Variants in GALNT18 observed in about 807,000 individuals in gnomAD.
GALNT18 encodes the protein polypeptide N-acetylgalactosaminyltransferase 18, also known as GalNAc-transferase 18.
A neutral mutation model predicts 69.5 loss-of-function variants in GALNT18; 44 were observed. The observed-to-expected ratio is 0.63, with a 90% confidence interval of 0.50 to 0.81. The LOEUF (loss-of-function observed/expected upper bound fraction) is 0.81, where lower values mean the gene tolerates loss of function less well. Ranked by LOEUF, GALNT18 falls within the 40% of genes least tolerant of loss-of-function variation. The pLI is 0.00. For missense variants in GALNT18, 715 were observed against 810.0 expected (o/e 0.88, Z 1.42); for synonymous variants, 364 against 318.2 (o/e 1.14, Z -1.53).
rs1294546218 is a variant in GALNT18 at position 11,402,811 on chromosome 11, C to T, written c.596-23547G>A. Among the ~76,000 whole-genome samples the T allele has an allele frequency of 3.3e-5, 5 of 152,236 alleles. No individual in the cohort carries two copies. The highest frequency in any genetic ancestry group is 7.3e-5 in the Non-Finnish European group (5 of 68,042). On this transcript the variant is annotated intron_variant, in intron 3 of 10. Transcript: ENST00000227756. This position sits in a 1 kb window ranked among gnomAD's most constrained non-coding sequence, Gnocchi z 4.0. Reference sequence around the variant, plus strand: ...TAGGAAGATATAAAAATACAAATGGCTTCTTGTAGTGCTGTTGGCATCTGA... The same window carrying T: ...TAGGAAGATATAAAAATACAAATGGTTTCTTGTAGTGCTGTTGGCATCTGA...
intron 5 of GALNT18, among the ~76,000 whole-genome samples, chr11:11,376,317 G>A (rs1853755507): frequency 6.6e-6 from 1 of 152,148 alleles, no homozygotes; most frequent in African/African-American, 2.4e-5. Flanking sequence ...AGGGGCCAGA[G>A]GTTTCATTGA....
In GALNT18 at chr11:11,389,309, C is replaced by A. The variant is rs895360896; in HGVS notation, c.596-10045G>T. 6.6e-6 allele frequency among the ~76,000 whole-genome samples: 1 copy of A among 152,196 alleles called. No individual in the cohort carries two copies. Among genetic ancestry groups the A allele is most frequent in the Non-Finnish European group, 1.5e-5 (1 of 68,040 alleles). ...TCAACAGAAGCTCTTCCCCTGGGACCATAACTCCGTGTCCTCTATTTGTCC... is the reference window on the plus strand; with the variant it reads ...TCAACAGAAGCTCTTCCCCTGGGACAATAACTCCGTGTCCTCTATTTGTCC... On this transcript the variant is annotated intron_variant, in intron 3 of 10. Transcript: ENST00000227756. This position sits in a 1 kb window ranked among gnomAD's most constrained non-coding sequence, Gnocchi z 4.3.
intron 9 of GALNT18, among the ~76,000 whole-genome samples, chr11:11,326,364 T>C (rs1451417761): frequency 2.6e-5 from 4 of 152,198 alleles, no homozygotes; most frequent in Non-Finnish European, 5.9e-5. Context: ...TTTTAAATCA[T>C]TGTGTACTTC....
intron 1 of GALNT18, among the ~76,000 whole-genome samples, chr11:11,568,897 T>A (rs971249828): frequency 6.6e-6 from 1 of 152,228 alleles, no homozygotes; most frequent in African/African-American, 2.4e-5. Context: ...TTCTGCCAGA[T>A]GGGCTCTGTT....
At chr11:11,570,573 C>T (rs1432983067) in intron 1 of GALNT18, among the ~76,000 whole-genome samples, 2 of 152,244 alleles carry the variant, frequency 1.3e-5, no homozygotes, top group East Asian at 3.9e-4. Flanking sequence ...ACCAAACCAG[C>T]TCTTCTTCCT....
intron 1 of GALNT18, among the ~76,000 whole-genome samples, chr11:11,518,873 C>T (rs982452254): frequency 2.6e-5 from 4 of 152,208 alleles, no homozygotes; most frequent in African/African-American, 9.6e-5. Flanking sequence ...GTCCTCAGAA[C>T]ATCCTGGTAC....
chr11:11,445,058 C>T (rs1240733462), intron 2 of GALNT18, among the ~76,000 whole-genome samples: 2 of 152,236 alleles, frequency 1.3e-5, no homozygotes, highest in African/African-American at 2.4e-5. Context: ...TTTTTTCCAA[C>T]ATGTAGACGC....
At chr11:11,419,203 C>T (rs1161287351) in intron 3 of GALNT18, among the ~76,000 whole-genome samples, 2 of 152,224 alleles carry the variant, frequency 1.3e-5, no homozygotes, top group Non-Finnish European at 2.9e-5. Context: ...TCCAGAAAAA[C>T]TAGCCTTCTG....
rs189938743 is a variant in GALNT18 at position 11,435,866 on chromosome 11, G to A, written c.429-3079C>T. On this transcript the variant is annotated intron_variant, in intron 2 of 10. Transcript: ENST00000227756. The surrounding 1 kb of genome is among the most constrained non-coding windows in gnomAD (Gnocchi z 4.4). ...TGAATGGCCCCAATTCCTCACATTC[G>A]CAGTCTCCAGAAGTGCTCAGTTTCT... Among the ~76,000 whole-genome samples the A allele has an allele frequency of 1.5e-3, 234 of 152,174 alleles. No individual in the cohort carries two copies. Among genetic ancestry groups the A allele is most frequent in the African/African-American group, 5.3e-3 (222 of 41,506 alleles).
Position 11,352,791 on chromosome 11 carries a change from G to A in GALNT18, c.1093-11787C>T, listed in dbSNP as rs1850442706. 2.5e-6 allele frequency: 4 copies of A among 1,614,138 alleles called. No homozygotes were observed. The East Asian group carries it at 8.9e-5, about 36-fold the overall frequency. ...GTTGTTTACGTGTTCAAAAACCAAG[G>A]CGGGGGTTCGTGACACAGGGTCTTT... is the stretch of plus-strand genomic sequence containing the variant. On this transcript the variant is annotated intron_variant, in intron 6 of 10. Coordinates refer to ENST00000227756, the MANE Select transcript of GALNT18 (RefSeq NM_198516.3).
Position 11,340,393 on chromosome 11 carries a change from T to G in GALNT18, c.1278+426A>C, listed in dbSNP as rs1850182809. The stretch of plus-strand genomic sequence containing the variant: ...GATCTTTATAACTCTGGTCAAAGGT[T>G]CAATGGAGAAGTTTGAACCTAATCT... On this transcript the variant is annotated intron_variant, in intron 7 of 10. Coordinates refer to ENST00000227756, the MANE Select transcript of GALNT18 (RefSeq NM_198516.3). This position sits in a 1 kb window ranked among gnomAD's most constrained non-coding sequence, Gnocchi z 4.2. Among the ~76,000 whole-genome samples the G allele has an allele frequency of 6.7e-6, 1 of 148,598 alleles. No individual in the cohort carries two copies. Among genetic ancestry groups the G allele is most frequent in the East Asian group, 2.0e-4 (1 of 5,064 alleles).
intron 2 of GALNT18, among the ~76,000 whole-genome samples, chr11:11,433,496 C>A (rs1855323198): frequency 6.6e-6 from 1 of 152,246 alleles, no homozygotes; most frequent in Non-Finnish European, 1.5e-5. Context: ...GGTCCTCTGA[C>A]ACCTGCACCA....
At chr11:11,313,990 A>C (rs1372801159) in intron 9 of GALNT18, among the ~76,000 whole-genome samples, 2 of 152,214 alleles carry the variant, frequency 1.3e-5, no homozygotes, top group Non-Finnish European at 2.9e-5. Context: ...AGGCACATGC[A>C]GGTTTGTTAC....
At chr11:11,279,099 C>A (rs532998275) in intron 10 of GALNT18, among the ~76,000 whole-genome samples, 3 of 152,134 alleles carry the variant, frequency 2.0e-5, no homozygotes, top group Non-Finnish European at 4.4e-5. Flanking sequence ...GGGCTCTCTC[C>A]GCTCTGAGTC....
rs541878397 is a variant in GALNT18 at position 11,283,326 on chromosome 11, T to C, written c.1677+9703A>G. 8.4e-4 allele frequency among the ~76,000 whole-genome samples: 128 copies of C among 152,262 alleles called. 1 individual carries two copies. Among genetic ancestry groups the C allele is most frequent in the African/African-American group, 3.1e-3 (127 of 41,540 alleles). On this transcript the variant is annotated intron_variant, in intron 10 of 10. Transcript: ENST00000227756. ...CATGCCTGGCTAGTATTTGTATTTT[T>C]AGGAGAGATGGAGTTTTGCCATGTT... is the stretch of plus-strand genomic sequence containing the variant.
In GALNT18 at chr11:11,598,720, T is replaced by C. The variant is rs1053087180; in HGVS notation, c.235+22639A>G. 1.2e-4 allele frequency among the ~76,000 whole-genome samples: 18 copies of C among 152,218 alleles called. No individual in the cohort carries two copies. The highest frequency in any genetic ancestry group is 2.1e-4 in the Non-Finnish European group (14 of 68,028). On this transcript the variant is annotated intron_variant, in intron 1 of 10. Coordinates refer to ENST00000227756, the MANE Select transcript of GALNT18 (RefSeq NM_198516.3). The surrounding 1 kb of genome is among the most constrained non-coding windows in gnomAD (Gnocchi z 4.8). ...TTAAGATATTTTTTCTTTTTCAATATAGACATTTATAGTTATACATTTCCC... is the reference window on the plus strand; with the variant it reads ...TTAAGATATTTTTTCTTTTTCAATACAGACATTTATAGTTATACATTTCCC...
In GALNT18 at chr11:11,606,483, C is replaced by A. The variant is rs1470590506; in HGVS notation, c.235+14876G>T. On this transcript the variant is annotated intron_variant, in intron 1 of 10. Transcript: ENST00000227756. This position sits in a 1 kb window ranked among gnomAD's most constrained non-coding sequence, Gnocchi z 5.4. ...ATGTGAATTTTCTCTCTTTTTTCCT[C>A]TCCTTGACATAAAATATCTGCCCCT... Among the ~76,000 whole-genome samples the A allele has an allele frequency of 2.0e-5, 3 of 152,140 alleles. No homozygotes were observed. Among genetic ancestry groups the A allele is most frequent in the Non-Finnish European group, 4.4e-5 (3 of 68,020 alleles).
chr11:11,334,020 C>T (rs981318368), intron 7 of GALNT18, among the ~76,000 whole-genome samples: 4 of 151,934 alleles, frequency 2.6e-5, no homozygotes, highest in African/African-American at 9.7e-5. Context: ...CATAAGATGC[C>T]AGCCCAGAGT....
Position 11,270,964 on chromosome 11 carries a change from C to G in GALNT18, c.*180G>C, listed in dbSNP as rs1320020762. 6 of 526,836 alleles carry G rather than the reference C, an allele frequency of 1.1e-5. No individual in the cohort carries two copies. The highest frequency in any genetic ancestry group is 1.7e-5 in the Non-Finnish European group (5 of 298,506). 32.6% of individuals were successfully genotyped at this position (526,836 alleles called of 1,614,324 possible). ...GCAAAATAGTTTGATATCATACCAT[C>G]ACCTACCAATCAGCATCTTTCTATA... On this transcript the variant is annotated 3_prime_UTR_variant, in exon 11 of 11. Coordinates refer to ENST00000227756, the MANE Select transcript of GALNT18 (RefSeq NM_198516.3).
Sources: gnomAD v4.1 joint callset for allele counts (sites outside exome capture counted in the v4.1 genomes callset) on GRCh38, gnomAD v4.1.1 for gene constraint, Gnocchi (gnomAD v3.1) non-coding constraint, MANE v1.5 for transcripts, NCBI Gene and HGNC (gene_info 2026-07-23, HGNC 2026-07-21) for gene names.